IGSF11: variants seen among roughly 807,000 people sequenced by gnomAD.
IGSF11 encodes the protein immunoglobulin superfamily member 11.
In IGSF11, 22 loss-of-function variants were observed where a neutral mutation model predicts 41.0. The ratio of observed to expected loss-of-function variants is 0.54; its 90% CI spans 0.38 to 0.77. IGSF11 has a LOEUF of 0.77. Ranked by LOEUF, IGSF11 falls within the 30% of genes least tolerant of loss-of-function variation. The pLI is 0.00. For missense variants in IGSF11, 444 were observed against 530.8 expected, an observed-to-expected ratio of 0.84 and a Z score of 1.61; for synonymous variants, 219 against 201.3, an observed-to-expected ratio of 1.09 and a Z score of -0.74.
chr3:119,056,953 G>A (rs566475623), intron 1 of IGSF11, among the ~76,000 whole-genome samples: 2 of 152,110 alleles, frequency 1.3e-5, no homozygotes, highest in Non-Finnish European at 2.9e-5. Flanking sequence ...CAATAAATTA[G>A]GTATTGATGG....
At chr3:119,143,159 T>C (rs79316708) in intron 1 of IGSF11, among the ~76,000 whole-genome samples, 50 of 152,292 alleles carry the variant, frequency 3.3e-4, no homozygotes, top group African/African-American at 1.1e-3. Context: ...AAAAAAATAC[T>C]GGTTTTGGTA....
At chr3:118,996,888 C>T (rs575691267) in intron 1 of IGSF11, among the ~76,000 whole-genome samples, 36 of 152,152 alleles carry the variant, frequency 2.4e-4, no homozygotes, top group Non-Finnish European at 3.1e-4. Flanking sequence ...CGTGAGCCAC[C>T]GCGCCTGGCC....
intron 1 of IGSF11, among the ~76,000 whole-genome samples, chr3:118,997,244 T>C (rs1936362085): frequency 6.6e-6 from 1 of 152,214 alleles, no homozygotes; most frequent in African/African-American, 2.4e-5. Context: ...ATTTCAGGAC[T>C]AAATAAGTAG....
intron 1 of IGSF11, among the ~76,000 whole-genome samples, chr3:119,117,625 T>C (rs773736725): frequency 3.3e-5 from 5 of 152,186 alleles, no homozygotes; most frequent in Non-Finnish European, 5.9e-5. Context: ...CAAAATCGCA[T>C]GTCCAGACAT....
chr3:118,955,865 C>G (rs1944916954), intron 1 of IGSF11, among the ~76,000 whole-genome samples: 1 of 152,126 alleles, frequency 6.6e-6, no homozygotes, highest in Non-Finnish European at 1.5e-5. Flanking sequence ...ACCTTTGGAT[C>G]CAGTCATTGA....
intron 4 of IGSF11, among the ~76,000 whole-genome samples, chr3:118,917,261 G>T (rs1479745346): frequency 1.3e-5 from 2 of 148,158 alleles, no homozygotes; most frequent in Non-Finnish European, 3.0e-5. Context: ...TAAAATCAGA[G>T]CAGAACTGAA....
At chr3:118,983,979 A>AG (rs1935000365) in intron 1 of IGSF11, among the ~76,000 whole-genome samples, 2 of 152,008 alleles carry the variant, frequency 1.3e-5, no homozygotes, top group African/African-American at 4.8e-5. Context: ...AAGTCATGGT[A>AG]GGGGGAAGTC....
chr3:119,081,348 A>T (rs1173687519), intron 1 of IGSF11, among the ~76,000 whole-genome samples: 1 of 151,354 alleles, frequency 6.6e-6, no homozygotes, highest in Non-Finnish European at 1.5e-5. Flanking sequence ...CTTGTTCCAG[A>T]TATCCTTTTT....
chr3:118,964,568 C>T (rs957690042), intron 1 of IGSF11, among the ~76,000 whole-genome samples: 8 of 152,092 alleles, frequency 5.3e-5, no homozygotes, highest in African/African-American at 1.9e-4. Context: ...GAAGGGAAGA[C>T]ATTTTACACT....
At position 118,926,163 on chromosome 3, in the gene IGSF11, C is replaced by T. The variant is rs1442148905; in HGVS notation, c.518G>A (p.Arg173Gln). 4.3e-6 allele frequency: 7 copies of T among 1,611,558 alleles called. No homozygotes were observed. Among genetic ancestry groups the T allele is most frequent in the Admixed American group, 3.3e-5 (2 of 59,886 alleles). The change falls in exon 4 of 7, where the codon CGA (arginine) becomes CAA (glutamine). Residue 173 changes from arginine to glutamine, a missense_variant. Around this residue, in one of 3 missense-constraint regions of IGSF11, gnomAD observed 193 missense variants for 283.5 expected, o/e 0.68. Transcript: ENST00000393775. ...TAACTTCTCCCAAAGGTAAGTTGGT[C>T]GAGGAATGCCTTCCTCTGAGCTACA... The part of the protein sequence containing the change: ...LLCSSEEGIP[R>Q]PTYLWEKLDN...
At chr3:118,966,358 T>G (rs940984020) in intron 1 of IGSF11, among the ~76,000 whole-genome samples, 5 of 152,204 alleles carry the variant, frequency 3.3e-5, no homozygotes, top group African/African-American at 1.2e-4. Context: ...CATGGCTCTT[T>G]TGTGGCAGAA....
intron 1 of IGSF11, among the ~76,000 whole-genome samples, chr3:118,994,444 C>T (rs1442043966): frequency 6.6e-6 from 1 of 152,060 alleles, no homozygotes; most frequent in Non-Finnish European, 1.5e-5. Context: ...ATCCCTTGAG[C>T]CCAGGAGTTT....
intron 1 of IGSF11, among the ~76,000 whole-genome samples, chr3:118,935,318 A>G (rs555420872): frequency 4.6e-5 from 6 of 130,050 alleles, no homozygotes; most frequent in African/African-American, 1.8e-4. Flanking sequence ...ATATATATAT[A>G]TGTATATACA....
intron 5 of IGSF11, 108 bp from the exon 6 acceptor site, chr3:118,904,906 C>T (rs1020578174): frequency 1.0e-5 from 9 of 869,340 alleles, no homozygotes; most frequent in Admixed American, 2.7e-5. Context: ...CTGCTTAAAA[C>T]GTATAAAACT....
At chr3:118,950,705 A>G (rs780628235) in intron 1 of IGSF11, among the ~76,000 whole-genome samples, 3 of 152,224 alleles carry the variant, frequency 2.0e-5, no homozygotes, top group Non-Finnish European at 4.4e-5. Context: ...AGGCAAAACT[A>G]AAAGTATGGT....
At chr3:118,970,010 T>C (rs1333069502) in intron 1 of IGSF11, among the ~76,000 whole-genome samples, 1 of 152,134 alleles carries the variant, frequency 6.6e-6, no homozygotes, top group Non-Finnish European at 1.5e-5. Context: ...CCCCCTAAGT[T>C]ATCCTTGCCA....
intron 1 of IGSF11, among the ~76,000 whole-genome samples, chr3:119,045,297 C>T (rs6796499): frequency 0.17 from 26,555 of 152,194 alleles, 2,823 homozygotes; most frequent in South Asian, 0.29. Context: ...GCACCGTGCA[C>T]GAGCCGAAGC....
At chr3:118,966,944 G>C (rs561649346) in intron 1 of IGSF11, among the ~76,000 whole-genome samples, 2 of 152,130 alleles carry the variant, frequency 1.3e-5, no homozygotes, top group South Asian at 2.1e-4. Flanking sequence ...ATTTAGAAGA[G>C]ACAACTGTTC....
intron 1 of IGSF11, among the ~76,000 whole-genome samples, chr3:119,074,868 TAAAC>T (rs1402462163): frequency 1.3e-5 from 2 of 150,434 alleles, no homozygotes; most frequent in African/African-American, 4.9e-5. Flanking sequence ...ATAAATAAAA[TAAAC>T]AAAAAAAAAG....
Sources: allele counts gnomAD v4.1 joint callset (sites outside exome capture counted in the v4.1 genomes callset), GRCh38; gene constraint gnomAD v4.1.1; regional missense constraint gnomAD v4.1.1; transcripts MANE v1.5; gene names NCBI Gene and HGNC (gene_info 2026-07-23, HGNC 2026-07-21).